Variants in SLC26A5 observed in about 807,000 individuals in gnomAD.
SLC26A5 encodes the protein prestin.
Under a neutral mutation model 81.0 loss-of-function variants are expected in SLC26A5, and 51 were observed. The observed-to-expected ratio is 0.63, with a 90% CI of 0.50 to 0.80. The LOEUF (loss-of-function observed/expected upper bound fraction) is 0.80. Among genes scored for constraint, SLC26A5 ranks in the 30% least tolerant of loss-of-function variants. SLC26A5 has a pLI of 0.00. For synonymous variants in SLC26A5, 325 were observed against 332.8 expected (o/e 0.98, Z 0.25); for missense variants, 771 against 905.8 (o/e 0.85, Z 1.91).
At chr7:103,372,226 G>A (rs1368675030), downstream of SLC26A5, among the ~76,000 whole-genome samples, 2 of 152,138 alleles carry the variant, frequency 1.3e-5, no homozygotes, top group Admixed American at 6.5e-5. Flanking sequence ...TGATTAAAAG[G>A]AGGAGTTTAT....
chr7:103,384,494 C>A (rs372874950), intron 14 of SLC26A5, among the ~76,000 whole-genome samples: 12 of 152,038 alleles, frequency 7.9e-5, no homozygotes, highest in African/African-American at 2.9e-4. Context: ...CACCTGTAAT[C>A]CCAGCTACTC....
At chr7:103,380,312 T>G (rs1402401599) in intron 15 of SLC26A5, among the ~76,000 whole-genome samples, 168 bp downstream of exon 15, 1 of 152,186 alleles carries the variant, frequency 6.6e-6, no homozygotes, top group Admixed American at 6.5e-5. Context: ...AGTTAATGCA[T>G]AGTATAAATT....
At chr7:103,422,098 T>A (rs1018262046) in intron 2 of SLC26A5, among the ~76,000 whole-genome samples, 1 of 152,242 alleles carries the variant, frequency 6.6e-6, no homozygotes, top group African/African-American at 2.4e-5. Context: ...GTTAAGAACA[T>A]CAGCACACTA....
At chr7:103,358,306 G>C (rs186887883) in intron 19 of SLC26A5, among the ~76,000 whole-genome samples, 34 of 152,222 alleles carry the variant, frequency 2.2e-4, no homozygotes, top group African/African-American at 7.9e-4. Flanking sequence ...ATTTCATGGT[G>C]ATGTGCCTTG....
intron 4 of SLC26A5, among the ~76,000 whole-genome samples, chr7:103,417,326 C>A (rs539120463): frequency 6.8e-6 from 1 of 147,592 alleles, no homozygotes; most frequent in Non-Finnish European, 1.5e-5. Flanking sequence ...GCCGAGATCA[C>A]GCCACTGCAC....
chr7:103,436,587 G>A (rs924522063), intron 2 of SLC26A5, among the ~76,000 whole-genome samples: 5 of 152,154 alleles, frequency 3.3e-5, no homozygotes, highest in African/African-American at 1.2e-4. Context: ...GACAGAAGTG[G>A]ACAAGGTGTC....
At chr7:103,362,585 C>T (rs1586165615) in intron 19 of SLC26A5, 3 of 1,446,528 alleles carry the variant, frequency 2.1e-6, no homozygotes, top group Middle Eastern at 1.8e-4. Context: ...CTGTCTCTCT[C>T]TTGTTTTCTT....
Position 103,398,239 on chromosome 7 carries a change from A to G in SLC26A5, c.889-225T>C, listed in dbSNP as rs1823303166. Among the ~76,000 whole-genome samples, 3 of 152,186 alleles carry G rather than the reference A, an allele frequency of 2.0e-5. No homozygotes were observed. The South Asian group carries it at 6.2e-4, about 32-fold the overall frequency. ...GAGTTTATGACCTGGCATTTTCTTC[A>G]TGCTTTGTCCTTTTCTATACTAAGG... On this transcript the variant is annotated intron_variant, in intron 8 of 19. Transcript: ENST00000306312.
At position 103,388,996 on chromosome 7, in the gene SLC26A5, C is replaced by T; in HGVS notation, c.1514+12G>A. 1 of 1,589,808 alleles carries T rather than the reference C, an allele frequency of 6.3e-7. No homozygotes were observed. Among genetic ancestry groups the T allele is most frequent in the Non-Finnish European group, 8.6e-7 (1 of 1,158,444 alleles). On this transcript the variant is annotated intron_variant, in intron 14 of 19. Coordinates refer to ENST00000306312, the MANE Select transcript of SLC26A5 (RefSeq NM_198999.3). Reference sequence around the variant, plus strand: ...CCGGGACATTCACACCCATTCCAATCTGGGCACTCACCTCTGTGTTCTGTA... The same window carrying T: ...CCGGGACATTCACACCCATTCCAATTTGGGCACTCACCTCTGTGTTCTGTA...
At chr7:103,418,910 C>T (rs1486369165) in intron 4 of SLC26A5, among the ~76,000 whole-genome samples, 4 of 152,124 alleles carry the variant, frequency 2.6e-5, no homozygotes, top group Non-Finnish European at 4.4e-5. Context: ...GGCTGTGTCC[C>T]TACGCAAATC....
intron 2 of SLC26A5, among the ~76,000 whole-genome samples, chr7:103,425,736 A>G (rs979631710): frequency 6.6e-6 from 1 of 152,242 alleles, no homozygotes; most frequent in African/African-American, 2.4e-5. Flanking sequence ...GTCATAATTT[A>G]GTAGTTAAAA....
chr7:103,438,291 A>G (rs1012325183), intron 2 of SLC26A5, among the ~76,000 whole-genome samples: 7 of 152,226 alleles, frequency 4.6e-5, no homozygotes, highest in Non-Finnish European at 1.0e-4. Context: ...CATATATCAA[A>G]ACATCACATT....
rs759333430 is a variant in SLC26A5 at position 103,392,963 on chromosome 7, T to G, written c.1075A>C (p.Lys359Gln). Residue 359 changes from lysine to glutamine, a missense_variant, in exon 10 of 20, where the codon AAG (lysine) becomes CAG (glutamine). Coordinates refer to ENST00000306312, the MANE Select transcript of SLC26A5 (RefSeq NM_198999.3). ...TAGCCATGTTTATTTGCTAAGGTCT[T>G]GGCCATGGAGATGGTCACTGAAAAT... ...VGFSVTISMA[K>Q]TLANKHGYQV... 4 of 1,614,038 alleles carry G rather than the reference T, an allele frequency of 2.5e-6. No individual in the cohort carries two copies. In the Admixed American group the frequency reaches 6.7e-5, roughly 27 times the overall value.
In SLC26A5 at chr7:103,398,084, T is replaced by C. The variant is rs1823288673; in HGVS notation, c.889-70A>G. 6 of 1,175,104 alleles carry C rather than the reference T, an allele frequency of 5.1e-6. No homozygotes were observed. The Admixed American group carries it at 6.7e-5, about 13-fold the overall frequency. The allele number at this position is 1,175,104 out of a possible 1,614,324, so 72.8% of individuals were successfully genotyped here. A position where few individuals can be genotyped will look rare whatever the true frequency, so the allele number is the denominator to read the frequency against. ...AAATACTGCAAAAATCAGCTTCAAA[T>C]AATATGTTAGTCAAGTCAAATCTAT... On this transcript the variant is annotated intron_variant, in intron 8 of 19. Coordinates refer to ENST00000306312, the MANE Select transcript of SLC26A5 (RefSeq NM_198999.3).
intron 8 of SLC26A5, among the ~76,000 whole-genome samples, chr7:103,405,187 A>G (rs775893857): frequency 4.6e-5 from 7 of 152,074 alleles, no homozygotes; most frequent in Non-Finnish European, 1.0e-4. Context: ...ACTTCTGTCC[A>G]TTCGTCAAAC....
rs201249665 is a variant in SLC26A5, at chr7:103,389,324, C to T, written c.1407+5G>A. Reference sequence around the variant, plus strand: ...ATTAACAGAGCCATCACCTTTGTTACTTACCAGCTCTATTTTGCTGGTTCT... The same window carrying T: ...ATTAACAGAGCCATCACCTTTGTTATTTACCAGCTCTATTTTGCTGGTTCT... On this transcript the variant is annotated splice_donor_5th_base_variant and intron_variant, in intron 13 of 19. Transcript: ENST00000306312. The T allele has an allele frequency of 6.3e-7, 1 of 1,595,768 alleles. No individual in the cohort carries two copies. The highest frequency in any genetic ancestry group is 8.6e-7 in the Non-Finnish European group (1 of 1,163,272).
intron 19 of SLC26A5, among the ~76,000 whole-genome samples, chr7:103,375,709 T>A (rs935274137): frequency 2.6e-5 from 4 of 151,676 alleles, no homozygotes; most frequent in Admixed American, 6.6e-5. Context: ...GTTGGGATTA[T>A]AGGTGTGAGC....
intron 14 of SLC26A5, among the ~76,000 whole-genome samples, chr7:103,387,964 G>A (rs1563527018): frequency 6.6e-6 from 1 of 152,114 alleles, no homozygotes; most frequent in Non-Finnish European, 1.5e-5. Context: ...TTCCAGACAA[G>A]AGTCACTGTG....
chr7:103,441,979 C>T (rs748063627), intron 2 of SLC26A5, among the ~76,000 whole-genome samples: 4 of 152,184 alleles, frequency 2.6e-5, no homozygotes, highest in Non-Finnish European at 4.4e-5. Flanking sequence ...GCCTGCTTTC[C>T]ATCCTAAGAT....
Sources: gnomAD v4.1 joint callset for allele counts (sites outside exome capture counted in the v4.1 genomes callset) on GRCh38, gnomAD v4.1.1 for gene constraint, MANE v1.5 for transcripts, NCBI Gene and HGNC (gene_info 2026-07-23, HGNC 2026-07-21) for gene names.